The following TRHDE variants were observed in gnomAD, a reference collection of about 807,000 sequenced individuals.
TRHDE encodes the protein thyrotropin releasing hormone degrading enzyme.
In TRHDE, 72 loss-of-function variants were observed where a neutral mutation model predicts 125.7. The ratio of observed to expected loss-of-function variants is 0.57; its 90% CI spans 0.47 to 0.70. The LOEUF (loss-of-function observed/expected upper bound fraction) is 0.70. Among genes scored for constraint, TRHDE ranks in the 30% least tolerant of loss-of-function variants. TRHDE has a pLI of 0.00. For missense variants in TRHDE, 1,110 were observed against 1,327.1 expected (o/e 0.84, Z 2.54); for synonymous variants, 509 against 509.1 (o/e 1.00, Z 0.00).
At chr12:72,457,989 C>G (rs570920153) in intron 3 of TRHDE, among the ~76,000 whole-genome samples, 1 of 152,224 alleles carries the variant, frequency 6.6e-6, no homozygotes, top group African/African-American at 2.4e-5. Flanking sequence ...CCAGCTACCT[C>G]AGACTTTGAA....
chr12:72,367,062 T>G (rs1871366650), intron 2 of TRHDE, among the ~76,000 whole-genome samples: 3 of 152,262 alleles, frequency 2.0e-5, no homozygotes, highest in South Asian at 4.1e-4. Flanking sequence ...CATATCATCA[T>G]GTGCCTCCTT....
upstream of TRHDE, among the ~76,000 whole-genome samples, chr12:72,269,437 T>A (rs1879143226): frequency 6.6e-6 from 1 of 152,214 alleles, no homozygotes; most frequent in Non-Finnish European, 1.5e-5. Flanking sequence ...ACTAATTTAA[T>A]CACAGTTAGT....
chr12:72,225,566 T>A (rs1878112700), intron 2 of TRHDE, among the ~76,000 whole-genome samples: 1 of 152,156 alleles, frequency 6.6e-6, no homozygotes, highest in Non-Finnish European at 1.5e-5. Context: ...CATCCCAGTT[T>A]GGAAAAAATA....
chr12:72,244,700 G>C (rs911925938), intron 2 of TRHDE, among the ~76,000 whole-genome samples: 1 of 151,976 alleles, frequency 6.6e-6, no homozygotes, highest in Non-Finnish European at 1.5e-5. Flanking sequence ...ATGACAGGTT[G>C]ATCAATACTT....
At chr12:72,635,400 T>C (rs1565818058) in intron 15 of TRHDE, among the ~76,000 whole-genome samples, 1 of 151,768 alleles carries the variant, frequency 6.6e-6, no homozygotes, top group African/African-American at 2.4e-5. Flanking sequence ...TTCTGGATAT[T>C]AGCCCTTTGT....
rs1396437424 is a variant in TRHDE at position 72,667,490 on chromosome 12, TAGTG to T, written c.*4298_*4301del. The T allele has an allele frequency of 6.6e-6, 1 of 151,560 alleles. No homozygotes were observed. Among genetic ancestry groups the T allele is most frequent in the Non-Finnish European group, 1.5e-5 (1 of 67,748 alleles). The allele number at this position is 151,560 out of a possible 1,614,324, so 9.4% of individuals were successfully genotyped here. ...AGCATCTTTTATTTCACAAGGCACT[TAGTG>T]AGGGAAAGGAATACAGAGATGAATA... On this transcript the variant is annotated 3_prime_UTR_variant, in exon 19 of 19. Coordinates refer to ENST00000261180, the MANE Select transcript of TRHDE (RefSeq NM_013381.3).
intron 6 of TRHDE, among the ~76,000 whole-genome samples, chr12:72,532,425 C>A (rs890587717): frequency 3.3e-5 from 5 of 151,044 alleles, no homozygotes; most frequent in African/African-American, 9.7e-5. Flanking sequence ...TTTTAAATTT[C>A]ATTCGTTCAT....
chr12:72,596,258 CT>C (rs1277406796), intron 12 of TRHDE, among the ~76,000 whole-genome samples: 3 of 152,074 alleles, frequency 2.0e-5, no homozygotes, highest in Non-Finnish European at 2.9e-5. Context: ...TTGCAAACAT[CT>C]TTGAATAAAT....
At chr12:72,202,951 TTAATA>T (rs1877589930) in intron 2 of TRHDE, among the ~76,000 whole-genome samples, 1 of 152,118 alleles carries the variant, frequency 6.6e-6, no homozygotes, top group Non-Finnish European at 1.5e-5. Context: ...TTTCAGCTAT[TTAATA>T]TTTTTATTAT....
At chr12:72,516,119 C>T (rs11179231) in intron 6 of TRHDE, among the ~76,000 whole-genome samples, 35,165 of 150,764 alleles carry the variant, frequency 0.23, 5,544 homozygotes, top group East Asian at 0.48. Context: ...ATTAACTTGG[C>T]GATGCGGGCT....
intron 2 of TRHDE, among the ~76,000 whole-genome samples, chr12:72,238,768 C>T (rs1445521701): frequency 6.6e-6 from 1 of 152,062 alleles, no homozygotes; most frequent in Non-Finnish European, 1.5e-5. Flanking sequence ...GTATATGTGC[C>T]ACATTTTCTT....
intron 15 of TRHDE, among the ~76,000 whole-genome samples, chr12:72,637,174 T>C (rs1250945975): frequency 6.6e-6 from 1 of 152,192 alleles, no homozygotes; most frequent in African/African-American, 2.4e-5. Flanking sequence ...ATTGCCACAA[T>C]TTCAGATCCT....
chr12:72,269,062 G>T (rs1879133329), upstream of TRHDE, among the ~76,000 whole-genome samples: 2 of 151,944 alleles, frequency 1.3e-5, no homozygotes, highest in African/African-American at 2.4e-5. Context: ...CCTTAAAAAG[G>T]AATATTAGTA....
At chr12:72,352,048 C>G (rs889805681) in intron 2 of TRHDE, among the ~76,000 whole-genome samples, 5 of 151,814 alleles carry the variant, frequency 3.3e-5, no homozygotes, top group Non-Finnish European at 5.9e-5. Context: ...TGACCATGAG[C>G]CTTTCAGAGT....
intron 3 of TRHDE, among the ~76,000 whole-genome samples, chr12:72,441,469 C>T (rs756111817): frequency 6.6e-6 from 1 of 151,752 alleles, no homozygotes; most frequent in Non-Finnish European, 1.5e-5. Context: ...TTGCAGTACA[C>T]AAGGTGATTG....
intron 2 of TRHDE, among the ~76,000 whole-genome samples, chr12:72,143,613 C>A (rs528749033): frequency 7.9e-5 from 12 of 152,156 alleles, no homozygotes; most frequent in Admixed American, 5.9e-4. Flanking sequence ...ATTAAACGGA[C>A]TAAGTAGGCC....
At position 72,668,122 on chromosome 12, in the gene TRHDE, C is replaced by T. The variant is rs1875166087; in HGVS notation, c.*4927C>T. ...AATTATATAAGAACAACCTTTTGTTCAATTGCTTTGAACTAATGATGAAGT... is the reference window on the plus strand; with the variant it reads ...AATTATATAAGAACAACCTTTTGTTTAATTGCTTTGAACTAATGATGAAGT... On this transcript the variant is annotated 3_prime_UTR_variant, in exon 19 of 19. Coordinates refer to ENST00000261180, the MANE Select transcript of TRHDE (RefSeq NM_013381.3). The T allele has an allele frequency of 6.6e-6, 1 of 151,512 alleles. No homozygotes were observed. The highest frequency in any genetic ancestry group is 6.6e-5 in the Admixed American group (1 of 15,168). 9.4% of individuals were successfully genotyped at this position (151,512 alleles called of 1,614,324 possible).
chr12:72,173,531 G>C (rs1436855100), intron 2 of TRHDE, among the ~76,000 whole-genome samples: 1 of 152,142 alleles, frequency 6.6e-6, no homozygotes, highest in Non-Finnish European at 1.5e-5. Context: ...TTCCTTGAAG[G>C]ACCTACTTAT....
At chr12:72,531,356 G>T (rs1411483930) in intron 6 of TRHDE, among the ~76,000 whole-genome samples, 1 of 151,856 alleles carries the variant, frequency 6.6e-6, no homozygotes, top group Non-Finnish European at 1.5e-5. Context: ...ATTAATTAAT[G>T]AGAGTTGCTT....
Sources: gnomAD v4.1 joint callset for allele counts (sites outside exome capture counted in the v4.1 genomes callset) on GRCh38, gnomAD v4.1.1 for gene constraint, MANE v1.5 for transcripts, NCBI Gene and HGNC (gene_info 2026-07-23, HGNC 2026-07-21) for gene names.